DNAH11: variants seen among roughly 807,000 people sequenced by gnomAD.
DNAH11 encodes the protein axonemal beta dynein heavy chain 11.
DNAH11 carries 442 observed loss-of-function variants against 526.0 expected under a neutral mutation model. The ratio of observed to expected loss-of-function variants is 0.84; its 90% confidence interval spans 0.78 to 0.91. DNAH11 has a LOEUF of 0.91. Among genes scored for constraint, DNAH11 ranks in the 40% least tolerant of loss-of-function variants. The pLI, the probability that DNAH11 is intolerant of heterozygous loss-of-function variation, is 0.00. For missense variants in DNAH11, 6,989 were observed against 5,448.7 expected (o/e 1.28, Z -8.90); for synonymous variants, 2,461 against 1,935.9 (o/e 1.27, Z -7.12).
intron 11 of DNAH11, among the ~76,000 whole-genome samples, 179 bp from the exon 12 acceptor site, chr7:21,589,029 T>C (rs1293776635): frequency 1.3e-5 from 2 of 152,202 alleles, no homozygotes; most frequent in African/African-American, 2.4e-5. Flanking sequence ...GTTTCATTCA[T>C]CTTATAACTT....
intron 45 of DNAH11, among the ~76,000 whole-genome samples, chr7:21,735,205 C>G (rs896463750): frequency 1.3e-5 from 2 of 152,096 alleles, no homozygotes; most frequent in African/African-American, 4.8e-5. Flanking sequence ...GGCATTGGTC[C>G]CGATTTTCAT....
rs566658083 is a variant in DNAH11, at chr7:21,870,091, G to A, written c.11967+1100G>A. On this transcript the variant is annotated intron_variant, in intron 73 of 81. Coordinates refer to ENST00000409508, the MANE Select transcript of DNAH11 (RefSeq NM_001277115.2). ...CAACAAAGCTCCTAGGTTAGGAGTC[G>A]TGATTCTCTATATAAAGATGAGAAA... Among the ~76,000 whole-genome samples, 18 of 152,296 alleles carry A rather than the reference G, an allele frequency of 1.2e-4. 1 individual carries two copies. The highest frequency in any genetic ancestry group is 3.6e-4 in the African/African-American group (15 of 41,560).
chr7:21,758,395 G>GT (rs1485751180), intron 54 of DNAH11, among the ~76,000 whole-genome samples: 1 of 152,082 alleles, frequency 6.6e-6, no homozygotes, highest in Non-Finnish European at 1.5e-5. Context: ...ACCCAGAAAA[G>GT]TTTTTTTCAA....
At chr7:21,884,146 C>G (rs1393044292) in intron 75 of DNAH11, 145 bp from the exon 76 acceptor site, 5 of 608,594 alleles carry the variant, frequency 8.2e-6, no homozygotes, top group African/African-American at 7.5e-5. Context: ...TCTGCAGAAA[C>G]TTAGACAATT....
At position 21,606,821 on chromosome 7, in the gene DNAH11, C is replaced by G. The variant is rs73682651; in HGVS notation, c.3852+88C>G. On this transcript the variant is annotated intron_variant, in intron 20 of 81. Transcript: ENST00000409508. Reference sequence around the variant, plus strand: ...GACACAAAATACTGCCACATTTTGTCTTTGTTTTGCTGTTATAGGAATTGA... The same window carrying G: ...GACACAAAATACTGCCACATTTTGTGTTTGTTTTGCTGTTATAGGAATTGA... 3.0e-4 allele frequency: 343 copies of G among 1,135,414 alleles called. No individual in the cohort carries two copies. In the African/African-American group the frequency reaches 4.6e-3, roughly 15 times the overall value. The allele number at this position is 1,135,414 out of a possible 1,614,324, so 70.3% of individuals were successfully genotyped here. A position where few individuals can be genotyped will look rare whatever the true frequency, so the allele number is the denominator to read the frequency against.
In DNAH11 at chr7:21,543,516, G is replaced by A. The variant is rs1360302406; in HGVS notation, c.271G>A (p.Gly91Arg). 1.9e-6 allele frequency: 3 copies of A among 1,609,586 alleles called. No individual in the cohort carries two copies. The highest frequency in any genetic ancestry group is 1.3e-5 in the African/African-American group (1 of 75,006). Residue 91 changes from glycine to arginine, a missense_variant, in exon 1 of 82, where the codon GGG (glycine) becomes AGG (arginine). Coordinates refer to ENST00000409508, the MANE Select transcript of DNAH11 (RefSeq NM_001277115.2). ...LESEDNRQVLGEFLESTSPAC... is the reference protein window; with the variant it reads ...LESEDNRQVLREFLESTSPAC... ...AAGCGAGGACAACCGGCAGGTTCTT[G>A]GGGAGTTTCTGGAAAGCACCAGCCC...
chr7:21,749,935 T>G, intron 53 of DNAH11, 134 bp downstream of exon 53: 1 of 1,376,494 alleles, frequency 7.3e-7, no homozygotes, highest in Non-Finnish European at 9.9e-7. Flanking sequence ...CCTATAAACC[T>G]AACTAATTTG....
intron 76 of DNAH11, among the ~76,000 whole-genome samples, chr7:21,890,466 A>G (rs958738767): frequency 2.6e-5 from 4 of 152,200 alleles, no homozygotes; most frequent in Non-Finnish European, 5.9e-5. Context: ...TCTTTGCTTG[A>G]AGTTCTGTTT....
At chr7:21,771,544 A>G (rs576945036) in intron 55 of DNAH11, among the ~76,000 whole-genome samples, 6 of 152,316 alleles carry the variant, frequency 3.9e-5, no homozygotes, top group African/African-American at 1.4e-4. Context: ...TGTGAGGGAA[A>G]GCAGTTTCAT....
At chr7:21,854,481 T>C (rs763964624) in intron 68 of DNAH11, 26 bp downstream of exon 68, 7 of 1,605,740 alleles carry the variant, frequency 4.4e-6, no homozygotes, top group East Asian at 2.2e-5. Flanking sequence ...CTAAGAAATA[T>C]GGGAAACTTT....
At chr7:21,700,418 G>T (rs1784007626) in intron 36 of DNAH11, among the ~76,000 whole-genome samples, 1 of 152,202 alleles carries the variant, frequency 6.6e-6, no homozygotes, top group Non-Finnish European at 1.5e-5. Context: ...TGAAAATGGT[G>T]AAGATACTTT....
intron 69 of DNAH11, 107 bp from the exon 70 acceptor site, chr7:21,864,428 G>A: frequency 1.9e-6 from 2 of 1,062,892 alleles, no homozygotes; most frequent in South Asian, 3.9e-5. Flanking sequence ...GTTCCCAGCA[G>A]GTATGGTTCT....
intron 42 of DNAH11, among the ~76,000 whole-genome samples, chr7:21,716,131 C>T (rs73682677): frequency 0.032 from 4,916 of 152,150 alleles, 259 homozygotes; most frequent in East Asian, 0.12. Flanking sequence ...GTAATGCTTG[C>T]AATGGCTTTC....
chr7:21,575,747 A>G (rs1784066457), intron 8 of DNAH11, among the ~76,000 whole-genome samples: 1 of 152,116 alleles, frequency 6.6e-6, no homozygotes, highest in African/African-American at 2.4e-5. Flanking sequence ...TGTTCCAGAG[A>G]TATTTGGTGC....
At chr7:21,875,765 G>A (rs1334168657) in intron 74 of DNAH11, among the ~76,000 whole-genome samples, 1 of 151,812 alleles carries the variant, frequency 6.6e-6, no homozygotes, top group Non-Finnish European at 1.5e-5. Flanking sequence ...CACCTGTTCT[G>A]GTCTTTTCAT....
chr7:21,858,022 T>C, intron 68 of DNAH11, among the ~76,000 whole-genome samples: 1 of 152,202 alleles, frequency 6.6e-6, no homozygotes, highest in Non-Finnish European at 1.5e-5. Context: ...TCAATACATA[T>C]ATATAAAACA....
In DNAH11 at chr7:21,872,613, C is replaced by T. The variant is rs565765022; in HGVS notation, c.11968-661C>T. Among the ~76,000 whole-genome samples, 4 of 152,210 alleles carry T rather than the reference C, an allele frequency of 2.6e-5. No individual in the cohort carries two copies. The East Asian group carries it at 7.7e-4, about 29-fold the overall frequency. ...CTGTAGGTGTTTGGTATTGGAAGAG[C>T]AAATTTGTGAATCATAAAATGGAAA... is the stretch of plus-strand genomic sequence containing the variant. On this transcript the variant is annotated intron_variant, in intron 73 of 81. Transcript: ENST00000409508.
chr7:21,669,898 C>G (rs1156717206), intron 30 of DNAH11, among the ~76,000 whole-genome samples: 1 of 152,002 alleles, frequency 6.6e-6, no homozygotes, highest in African/African-American at 2.4e-5. Flanking sequence ...TATTTTTCTG[C>G]CTTCATGCCA....
chr7:21,901,306 A>AGCCTCTGCTGGAGT lies in DNAH11; in HGVS notation c.*54_*55insCTCTGCTGGAGTGC. 5 of 1,503,572 alleles carry AGCCTCTGCTGGAGT rather than the reference A, an allele frequency of 3.3e-6. No homozygotes were observed. Among genetic ancestry groups the AGCCTCTGCTGGAGT allele is most frequent in the South Asian group, 1.4e-5 (1 of 70,130 alleles). 93.1% of individuals were successfully genotyped at this position (1,503,572 alleles called of 1,614,324 possible). A position where few individuals can be genotyped will look rare whatever the true frequency, so the allele number is the denominator to read the frequency against. ...TGCTGGAGTGCAGTGAGGATTTTCT[A>AGCCTCTGCTGGAGT]GCATGTTGCTGCACTGTTCCCATGC... On this transcript the variant is annotated 3_prime_UTR_variant, in exon 82 of 82. Coordinates refer to ENST00000409508, the MANE Select transcript of DNAH11 (RefSeq NM_001277115.2).
Sources: allele counts gnomAD v4.1 joint callset (sites outside exome capture counted in the v4.1 genomes callset), GRCh38; gene constraint gnomAD v4.1.1; transcripts MANE v1.5; gene names NCBI Gene and HGNC (gene_info 2026-07-23, HGNC 2026-07-21).